The following BARX2 variants were observed in gnomAD, a reference collection of about 807,000 sequenced individuals.
BARX2 encodes BARX homeobox 2.
In BARX2, 11 loss-of-function variants were observed where a neutral mutation model predicts 25.5. That is an observed-to-expected ratio of 0.43 (90% CI 0.27 to 0.71). BARX2 has a LOEUF of 0.71. Ranked by LOEUF, BARX2 falls within the 30% of genes least tolerant of loss-of-function variation. The pLI is 0.19. For synonymous variants in BARX2, 137 were observed against 149.5 expected (o/e 0.92, Z 0.61); for missense variants, 360 against 359.9 (o/e 1.00, Z 0.00).
chr11:129,382,237 G>C (rs918093744), intron 1 of BARX2, among the ~76,000 whole-genome samples: 4 of 152,130 alleles, frequency 2.6e-5, no homozygotes, highest in Admixed American at 6.5e-5. Context: ...GGAGTGCAGT[G>C]GGGCGATCTT....
Position 129,442,056 on chromosome 11 carries a change from A to G in BARX2, c.489-779A>G, listed in dbSNP as rs563169845. 2.0e-5 allele frequency among the ~76,000 whole-genome samples: 3 copies of G among 152,324 alleles called. No individual in the cohort carries two copies. In the South Asian group the frequency reaches 6.2e-4, roughly 32 times the overall value. On this transcript the variant is annotated intron_variant, in intron 2 of 3. Transcript: ENST00000281437. ...CACCATGATTAGCAGTAGAATGGAA[A>G]ACAGGAAGGGCTGTGGATTTAATGT...
chr11:129,434,440 AAAAAAAC>A (rs1862166317), intron 1 of BARX2, among the ~76,000 whole-genome samples: 1 of 148,742 alleles, frequency 6.7e-6, no homozygotes, highest in African/African-American at 2.5e-5. Flanking sequence ...AAAAAAAAAA[AAAAAAAC>A]AGAGACACGG....
At chr11:129,445,793 A>AT (rs1004567131) in intron 3 of BARX2, among the ~76,000 whole-genome samples, 1 of 152,198 alleles carries the variant, frequency 6.6e-6, no homozygotes, top group African/African-American at 2.4e-5. Context: ...CAGCAGGGAA[A>AT]TTTATAGGAT....
At chr11:129,434,198 C>T (rs1201788461) in intron 1 of BARX2, among the ~76,000 whole-genome samples, 1 of 151,036 alleles carries the variant, frequency 6.6e-6, no homozygotes, top group East Asian at 1.9e-4. Flanking sequence ...GGTATTTTCT[C>T]GTATTAGTTT....
At chr11:129,384,438 C>T (rs1355686641) in intron 1 of BARX2, among the ~76,000 whole-genome samples, 1 of 152,148 alleles carries the variant, frequency 6.6e-6, no homozygotes, top group Non-Finnish European at 1.5e-5. Flanking sequence ...TGCCAACCTC[C>T]ACTGCCCACC....
chr11:129,436,179 G>A lies in BARX2; in HGVS notation c.188-572G>A, dbSNP rs1448520632. 1 of 152,232 alleles carries A rather than the reference G, an allele frequency of 6.6e-6. No individual in the cohort carries two copies. The highest frequency in any genetic ancestry group is 1.9e-4 in the East Asian group (1 of 5,184). 9.4% of individuals were successfully genotyped at this position (152,232 alleles called of 1,614,324 possible). A position where few individuals can be genotyped will look rare whatever the true frequency, so the allele number is the denominator to read the frequency against. ...GCTGCTTCCTAGTTACGTTATCTTA[G>A]GCAACTCACTTAACCTTCCTGGGGC... On this transcript the variant is annotated intron_variant, in intron 1 of 3. Transcript: ENST00000281437. The surrounding 1 kb of genome is among the most constrained non-coding windows in gnomAD (Gnocchi z 4.5).
rs1181279767 is a variant in BARX2 at position 129,376,054 on chromosome 11, C to A, written c.19C>A (p.Leu7Met). The stretch of plus-strand genomic sequence containing the variant: ...GCTCACCATGCACTGCCACGCCGAG[C>A]TGAGGCTGAGCTCGCCCGGCCAGCT... MHCHAE[L>M]RLSSPGQLKA... is the part of the protein sequence containing the mutation. The change falls in exon 1 of 4, where the codon CTG (leucine) becomes ATG (methionine). Residue 7 changes from leucine (L) to methionine (M), a missense_variant. By Grantham distance (15) the Leu-to-Met change is conservative. This residue lies in a region of BARX2 where 240 missense variants were observed against 228.7 expected (regional missense o/e 1.05). Coordinates refer to ENST00000281437, the MANE Select transcript of BARX2 (RefSeq NM_003658.5). This position sits in a 1 kb window ranked among gnomAD's most constrained non-coding sequence, Gnocchi z 4.2. The A allele has an allele frequency of 6.3e-7, 1 of 1,595,442 alleles. No homozygotes were observed. The highest frequency in any genetic ancestry group is 1.7e-5 in the Admixed American group (1 of 58,244).
intron 1 of BARX2, among the ~76,000 whole-genome samples, chr11:129,413,657 G>A (rs981706504): frequency 6.6e-6 from 1 of 152,128 alleles, no homozygotes; most frequent in African/African-American, 2.4e-5. Context: ...AGTGGTCAAG[G>A]CATGAAGCTT....
rs557890621 is a variant in BARX2 at position 129,428,993 on chromosome 11, T to C, written c.188-7758T>C. 4.1e-5 allele frequency among the ~76,000 whole-genome samples: 6 copies of C among 147,362 alleles called. No homozygotes were observed. In the Admixed American group the frequency reaches 4.1e-4, roughly 10 times the overall value. On this transcript the variant is annotated intron_variant, in intron 1 of 3. Coordinates refer to ENST00000281437, the MANE Select transcript of BARX2 (RefSeq NM_003658.5). ...GGATGTTGCTTTAAGTCACTATTATTTATTAGAAGTTGTGTTTTTTTTTTT... is the reference window on the plus strand; with the variant it reads ...GGATGTTGCTTTAAGTCACTATTATCTATTAGAAGTTGTGTTTTTTTTTTT...
intron 1 of BARX2, among the ~76,000 whole-genome samples, chr11:129,393,460 C>T (rs1037488489): frequency 6.6e-6 from 1 of 151,114 alleles, no homozygotes; most frequent in East Asian, 1.9e-4. Context: ...ATTTGATTTT[C>T]CTCATCTAGT....
intron 1 of BARX2, among the ~76,000 whole-genome samples, chr11:129,413,154 G>A (rs1013259386): frequency 4.6e-5 from 7 of 152,124 alleles, no homozygotes; most frequent in African/African-American, 1.7e-4. Context: ...TACTTCCCAG[G>A]CACCGTGCTA....
rs1018859016 is a variant in BARX2 at position 129,427,720 on chromosome 11, G to A, written c.188-9031G>A. Among the ~76,000 whole-genome samples the A allele has an allele frequency of 3.3e-5, 5 of 152,184 alleles. No homozygotes were observed. The East Asian group carries it at 9.6e-4, about 29-fold the overall frequency. The stretch of plus-strand genomic sequence containing the variant: ...GCAGAAACTGTACTTGGGGGATTTT[G>A]CCCTGAGGTTCAAGTATGGCTGTAG... On this transcript the variant is annotated intron_variant, in intron 1 of 3. Transcript: ENST00000281437.
chr11:129,392,454 G>A lies in BARX2; in HGVS notation c.187+16232G>A, dbSNP rs780819530. 7.9e-5 allele frequency among the ~76,000 whole-genome samples: 12 copies of A among 152,218 alleles called. 1 individual carries two copies. The highest frequency in any genetic ancestry group is 1.6e-4 in the Non-Finnish European group (11 of 68,040). ...AAAATTCCACTTCCAAGAAAAGTATGTGTGGTACAGGTGACACCTGATTTT... is the reference window on the plus strand; with the variant it reads ...AAAATTCCACTTCCAAGAAAAGTATATGTGGTACAGGTGACACCTGATTTT... On this transcript the variant is annotated intron_variant, in intron 1 of 3. Coordinates refer to ENST00000281437, the MANE Select transcript of BARX2 (RefSeq NM_003658.5).
rs1408385784 is a variant in BARX2 at position 129,436,849 on chromosome 11, G to A, written c.286G>A (p.Ala96Thr). The change falls in exon 2 of 4, where the codon GCA becomes ACA. Residue 96 changes from alanine (A) to threonine (T), a missense_variant. Ala to Thr is a moderately conservative substitution (Grantham distance 58). Coordinates refer to ENST00000281437, the MANE Select transcript of BARX2 (RefSeq NM_003658.5). This position sits in a 1 kb window ranked among gnomAD's most constrained non-coding sequence, Gnocchi z 4.5. Reference sequence around the variant, plus strand: ...CCCTGCCACCCCGGGAATCGCCCAGGCACTGTCCTGCCACCAGGTCACCGA... The same window carrying A: ...CCCTGCCACCCCGGGAATCGCCCAGACACTGTCCTGCCACCAGGTCACCGA... ...LVPATPGIAQ[A>T]LSCHQVTEAV... The A allele has an allele frequency of 1.9e-6, 3 of 1,613,936 alleles. No homozygotes were observed. Among genetic ancestry groups the A allele is most frequent in the Non-Finnish European group, 2.5e-6 (3 of 1,179,968 alleles).
At chr11:129,420,613 C>T (rs183039157) in intron 1 of BARX2, among the ~76,000 whole-genome samples, 1 of 152,292 alleles carries the variant, frequency 6.6e-6, no homozygotes, top group East Asian at 1.9e-4. Flanking sequence ...TTTTGCCTTT[C>T]GTAGTTACAG....
intron 1 of BARX2, among the ~76,000 whole-genome samples, chr11:129,428,711 C>T (rs1013888229): frequency 1.3e-5 from 2 of 152,210 alleles, no homozygotes; most frequent in African/African-American, 2.4e-5. Context: ...CCATTCCAGC[C>T]GTGCCTGTTC....
intron 1 of BARX2, among the ~76,000 whole-genome samples, chr11:129,425,180 G>A (rs1862049073): frequency 6.6e-6 from 1 of 152,206 alleles, no homozygotes; most frequent in Non-Finnish European, 1.5e-5. Flanking sequence ...ATTCAACAAA[G>A]CATGGAGTTA....
chr11:129,392,602 CT>C (rs1274603914), intron 1 of BARX2, among the ~76,000 whole-genome samples: 1 of 151,698 alleles, frequency 6.6e-6, no homozygotes, highest in Non-Finnish European at 1.5e-5. Context: ...TATGAATTAA[CT>C]TTTTTTTTGT....
rs1862395278 is a variant in BARX2 at position 129,451,223 on chromosome 11, G to A, written c.661G>A (p.Glu221Lys). ...CCCCACATCAGAAGAGATTGAAGCT[G>A]AAGAGAAGATGAACAGCCAGGCCCA... is the stretch of plus-strand genomic sequence containing the variant. ...SIPTSEEIEA[E>K]EKMNSQAQGQ... is the part of the protein sequence containing the mutation. The change falls in exon 4 of 4, where the codon GAA becomes AAA. Residue 221 changes from glutamate to lysine, a missense_variant. Around this residue, in one of 3 missense-constraint regions of BARX2, gnomAD observed 114 missense variants for 109.4 expected, o/e 1.04. Coordinates refer to ENST00000281437, the MANE Select transcript of BARX2 (RefSeq NM_003658.5). 3.1e-6 allele frequency: 5 copies of A among 1,614,186 alleles called. No individual in the cohort carries two copies. The highest frequency in any genetic ancestry group is 3.4e-6 in the Non-Finnish European group (4 of 1,180,032).
Sources: gnomAD v4.1 joint callset for allele counts (sites outside exome capture counted in the v4.1 genomes callset) on GRCh38, gnomAD v4.1.1 for gene constraint, gnomAD v4.1.1 regional missense constraint, Gnocchi (gnomAD v3.1) non-coding constraint, MANE v1.5 for transcripts, NCBI Gene and HGNC (gene_info 2026-07-23, HGNC 2026-07-21) for gene names.